Variants in ERC2 observed in about 807,000 individuals in gnomAD.
ERC2 encodes ERC protein 2.
A neutral mutation model predicts 114.8 loss-of-function variants in ERC2; 42 were observed. That is an observed-to-expected ratio of 0.37 (90% CI 0.29 to 0.47). The LOEUF is 0.47. Ranked by LOEUF, ERC2 falls within the 20% of genes least tolerant of loss-of-function variation. The pLI, the probability that ERC2 is intolerant of heterozygous loss-of-function variation, is 0.99. For synonymous variants in ERC2, 454 were observed against 425.5 expected, an observed-to-expected ratio of 1.07 and a Z score of -0.82; for missense variants, 939 against 1,150.7, an observed-to-expected ratio of 0.82 and a Z score of 2.66.
intron 10 of ERC2, among the ~76,000 whole-genome samples, chr3:56,002,694 C>A (rs1401835728): frequency 6.6e-6 from 1 of 152,126 alleles, no homozygotes; most frequent in Non-Finnish European, 1.5e-5. Flanking sequence ...AAATCTAAAC[C>A]TGTTTTAACT....
At chr3:55,854,528 G>A (rs116840084) in intron 14 of ERC2, among the ~76,000 whole-genome samples, 1,832 of 152,250 alleles carry the variant, frequency 0.012, 26 homozygotes, top group African/African-American at 0.042. Context: ...CTGCTGCAGA[G>A]CAGCACAGGC....
intron 17 of ERC2, among the ~76,000 whole-genome samples, chr3:55,550,816 A>T (rs943458515): frequency 6.6e-6 from 1 of 152,128 alleles, no homozygotes; most frequent in Non-Finnish European, 1.5e-5. Flanking sequence ...GGAGATCGAG[A>T]CCATCCTGGC....
chr3:55,851,007 T>G (rs544113383), intron 14 of ERC2, among the ~76,000 whole-genome samples: 1 of 151,996 alleles, frequency 6.6e-6, no homozygotes, highest in South Asian at 2.1e-4. Context: ...AGAGCAAGAC[T>G]GGATCCCATC....
At chr3:55,952,922 G>A (rs970863510) in intron 12 of ERC2, among the ~76,000 whole-genome samples, 1 of 151,980 alleles carries the variant, frequency 6.6e-6, no homozygotes, top group Non-Finnish European at 1.5e-5. Flanking sequence ...GGCCGGGCAC[G>A]GTGGCTCACA....
At chr3:55,573,671 CAG>C (rs917650497) in intron 17 of ERC2, among the ~76,000 whole-genome samples, 10 of 152,074 alleles carry the variant, frequency 6.6e-5, no homozygotes, top group Non-Finnish European at 1.3e-4. Flanking sequence ...CTCTGCTTGC[CAG>C]AGTCAGCTGC....
chr3:55,640,693 A>T (rs187238221), intron 17 of ERC2, among the ~76,000 whole-genome samples: 1 of 152,246 alleles, frequency 6.6e-6, no homozygotes, highest in East Asian at 1.9e-4. Context: ...GTAGAAGACA[A>T]ACATCCTGAT....
intron 13 of ERC2, among the ~76,000 whole-genome samples, chr3:55,902,434 T>C (rs571662338): frequency 5.9e-5 from 9 of 152,038 alleles, no homozygotes; most frequent in African/African-American, 2.2e-4. Flanking sequence ...TTGGGAAAAA[T>C]CACTTCATAC....
chr3:55,651,452 G>T (rs1305874894), intron 17 of ERC2, among the ~76,000 whole-genome samples: 2 of 152,150 alleles, frequency 1.3e-5, no homozygotes, highest in African/African-American at 2.4e-5. Context: ...ACATCATCTG[G>T]AAGCCATGTG....
chr3:56,222,390 T>G (rs1243946904), intron 3 of ERC2, among the ~76,000 whole-genome samples: 1 of 152,090 alleles, frequency 6.6e-6, no homozygotes, highest in Non-Finnish European at 1.5e-5. Flanking sequence ...GCAGAGAATG[T>G]CCCCCTTCAT....
At chr3:55,753,435 T>G (rs533930986) in intron 14 of ERC2, among the ~76,000 whole-genome samples, 1 of 152,292 alleles carries the variant, frequency 6.6e-6, no homozygotes, top group South Asian at 2.1e-4. Flanking sequence ...GGAAAGCATC[T>G]GGAAAACTGC....
intron 7 of ERC2, among the ~76,000 whole-genome samples, chr3:56,077,792 CT>C (rs575962854): frequency 9.3e-4 from 142 of 152,244 alleles, no homozygotes; most frequent in African/African-American, 3.3e-3. Flanking sequence ...ACAAAAAACA[CT>C]TTTATCTAGG....
At chr3:55,706,945 A>G (rs1333267985) in intron 15 of ERC2, among the ~76,000 whole-genome samples, 1 of 152,196 alleles carries the variant, frequency 6.6e-6, no homozygotes, top group Non-Finnish European at 1.5e-5. Context: ...ATTGAGACTC[A>G]GACTGAATCA....
chr3:55,771,152 T>C (rs2068171568), intron 14 of ERC2, among the ~76,000 whole-genome samples: 2 of 152,184 alleles, frequency 1.3e-5, no homozygotes, highest in Non-Finnish European at 2.9e-5. Flanking sequence ...ATCCTTTGGG[T>C]ATATACCCAG....
At position 55,825,355 on chromosome 3, in the gene ERC2, G is replaced by A. The variant is rs966668810; in HGVS notation, c.2564+63034C>T. Among the ~76,000 whole-genome samples the A allele has an allele frequency of 2.0e-5, 3 of 152,274 alleles. No individual in the cohort carries two copies. The South Asian group carries it at 6.2e-4, about 32-fold the overall frequency. The stretch of plus-strand genomic sequence containing the variant: ...CAAATAAAACGGTTATATGGTCAAA[G>A]TAATTGAAAAATACAATATACAGTT... On this transcript the variant is annotated intron_variant, in intron 14 of 17. Transcript: ENST00000288221.
chr3:55,736,959 AT>A (rs2065672935), intron 14 of ERC2, among the ~76,000 whole-genome samples: 1 of 152,062 alleles, frequency 6.6e-6, no homozygotes, highest in South Asian at 2.1e-4. Context: ...TATCTCCACC[AT>A]TTGTGTCTCT....
chr3:55,554,296 T>C (rs2055439356), intron 17 of ERC2, among the ~76,000 whole-genome samples: 1 of 152,204 alleles, frequency 6.6e-6, no homozygotes. Flanking sequence ...TCTTTGTTTA[T>C]GAAAAAACCT....
intron 2 of ERC2, among the ~76,000 whole-genome samples, chr3:56,340,755 AAC>A (rs1216289390): frequency 6.6e-6 from 1 of 152,166 alleles, no homozygotes; most frequent in African/African-American, 2.4e-5. Flanking sequence ...CCAAATACTC[AAC>A]AGACATCTTC....
intron 17 of ERC2, among the ~76,000 whole-genome samples, chr3:55,545,452 G>C (rs1152117): frequency 6.6e-6 from 1 of 152,020 alleles, no homozygotes; most frequent in Non-Finnish European, 1.5e-5. Flanking sequence ...GCTGTGCGTC[G>C]GATCACGTGG....
At chr3:55,847,026 C>A (rs554204872) in intron 14 of ERC2, among the ~76,000 whole-genome samples, 1 of 152,280 alleles carries the variant, frequency 6.6e-6, no homozygotes, top group South Asian at 2.1e-4. Context: ...GATGGGAAAA[C>A]ATAAATGTCA....
Sources: allele counts gnomAD v4.1 joint callset (sites outside exome capture counted in the v4.1 genomes callset), GRCh38; gene constraint gnomAD v4.1.1; transcripts MANE v1.5; gene names NCBI Gene and HGNC (gene_info 2026-07-23, HGNC 2026-07-21).